PIK3C2G: variants seen among roughly 807,000 people sequenced by gnomAD.
PIK3C2G encodes phosphatidylinositol 3-kinase C2 domain-containing subunit gamma.
A neutral mutation model predicts 181.1 loss-of-function variants in PIK3C2G; 168 were observed. The observed-to-expected ratio is 0.93, with a 90% CI of 0.82 to 1.05. The LOEUF is 1.05. Among genes scored for constraint, PIK3C2G ranks in the 50% least tolerant of loss-of-function variants. The pLI is 0.00. For synonymous variants in PIK3C2G, 573 were observed against 592.2 expected, an observed-to-expected ratio of 0.97 and a Z score of 0.47; for missense variants, 1,869 against 1,732.8, an observed-to-expected ratio of 1.08 and a Z score of -1.40.
intron 16 of PIK3C2G, among the ~76,000 whole-genome samples, chr12:18,410,986 T>A (rs1944838402): frequency 6.6e-6 from 1 of 152,160 alleles, no homozygotes; most frequent in Non-Finnish European, 1.5e-5. Context: ...AATTCCCAAT[T>A]TCTATATGCA....
At chr12:18,278,020 G>A (rs1045733098) in intron 1 of PIK3C2G, among the ~76,000 whole-genome samples, 1 of 152,052 alleles carries the variant, frequency 6.6e-6, no homozygotes, top group Admixed American at 6.6e-5. Flanking sequence ...GAGCTTTTTT[G>A]TGTGTGTGGT....
intron 24 of PIK3C2G, among the ~76,000 whole-genome samples, chr12:18,510,368 CAG>C (rs1016182039): frequency 1.3e-5 from 2 of 152,160 alleles, no homozygotes; most frequent in Admixed American, 6.5e-5. Flanking sequence ...ATGATTTCTA[CAG>C]AGTGATTTTT....
chr12:18,281,132 T>C (rs374788810), intron 1 of PIK3C2G, among the ~76,000 whole-genome samples: 1 of 149,928 alleles, frequency 6.7e-6, no homozygotes, highest in African/African-American at 2.4e-5. Flanking sequence ...ATAAGAAGAG[T>C]GGCCAAGGTT....
intron 30 of PIK3C2G, among the ~76,000 whole-genome samples, chr12:18,609,317 T>C (rs1005682845): frequency 4.6e-5 from 7 of 152,070 alleles, no homozygotes; most frequent in South Asian, 2.1e-4. Context: ...CAAAACAAAA[T>C]ATGAAATATT....
At chr12:18,505,019 C>T (rs192430877) in intron 23 of PIK3C2G, among the ~76,000 whole-genome samples, 1 of 152,140 alleles carries the variant, frequency 6.6e-6, no homozygotes, top group African/African-American at 2.4e-5. Context: ...TCTAGTGAAC[C>T]AATGAAAATT....
intron 5 of PIK3C2G, among the ~76,000 whole-genome samples, chr12:18,312,197 C>T (rs1565585617): frequency 2.6e-5 from 4 of 152,230 alleles, no homozygotes; most frequent in Admixed American, 6.5e-5. Context: ...TTGCATCCTC[C>T]GATCCAATCA....
chr12:18,291,045 A>C (rs771802549), intron 4 of PIK3C2G, 33 bp downstream of exon 4: 4 of 1,440,204 alleles, frequency 2.8e-6, no homozygotes, highest in Non-Finnish European at 3.8e-6. Context: ...CTACAAATCT[A>C]TACAAAGCTG....
At chr12:18,480,088 T>C (rs1435986263) in intron 18 of PIK3C2G, among the ~76,000 whole-genome samples, 1 of 152,102 alleles carries the variant, frequency 6.6e-6, no homozygotes, top group Non-Finnish European at 1.5e-5. Flanking sequence ...CAAGGCTTTC[T>C]TGGGGATCAG....
chr12:18,558,712 T>C (rs565330404), intron 26 of PIK3C2G, among the ~76,000 whole-genome samples: 3 of 152,204 alleles, frequency 2.0e-5, no homozygotes, highest in Non-Finnish European at 4.4e-5. Flanking sequence ...GTTAAGGTCT[T>C]TGTCAAATCA....
intron 1 of PIK3C2G, among the ~76,000 whole-genome samples, chr12:18,250,945 A>C (rs1464956390): frequency 6.6e-6 from 1 of 151,948 alleles, no homozygotes; most frequent in Non-Finnish European, 1.5e-5. Context: ...AAATTCATGG[A>C]TCTTCTAGTG....
intron 1 of PIK3C2G, among the ~76,000 whole-genome samples, chr12:18,275,458 T>G (rs942012442): frequency 9.9e-5 from 15 of 152,180 alleles, no homozygotes; most frequent in African/African-American, 3.6e-4. Context: ...CTCGACTCAG[T>G]GCAACCTCTG....
chr12:18,378,116 A>G (rs1419473571), intron 13 of PIK3C2G, among the ~76,000 whole-genome samples: 1 of 152,086 alleles, frequency 6.6e-6, no homozygotes, highest in Non-Finnish European at 1.5e-5. Flanking sequence ...TACATCCAAG[A>G]CTCCATCAAA....
chr12:18,486,037 A>C (rs1189417025), intron 18 of PIK3C2G, among the ~76,000 whole-genome samples: 1 of 152,184 alleles, frequency 6.6e-6, no homozygotes, highest in Non-Finnish European at 1.5e-5. Context: ...GTTAAGGGGC[A>C]TGTTAATTTC....
At chr12:18,689,985 T>C in the PIK3C2G span, among the ~76,000 whole-genome samples, 1 of 152,158 alleles carries the variant, frequency 6.6e-6, no homozygotes, top group Non-Finnish European at 1.5e-5. Context: ...TAACTCTCCA[T>C]GCCAGTTACA....
chr12:18,252,682 G>T (rs1176237777), intron 1 of PIK3C2G, among the ~76,000 whole-genome samples: 1 of 152,092 alleles, frequency 6.6e-6, no homozygotes. Flanking sequence ...GTTCAAATTC[G>T]ACTCTGTGTC....
chr12:18,668,531 C>T, the PIK3C2G span, among the ~76,000 whole-genome samples: 99,971 of 151,960 alleles, frequency 0.66, 33,207 homozygotes, highest in South Asian at 0.72. Flanking sequence ...AGGACTGCAA[C>T]CCTAGTGCCC....
At chr12:18,699,185 C>T in the PIK3C2G span, among the ~76,000 whole-genome samples, 1 of 152,166 alleles carries the variant, frequency 6.6e-6, no homozygotes, top group African/African-American at 2.4e-5. Flanking sequence ...CTCTGCACAG[C>T]CATCTGGTAG....
chr12:18,391,745 G>T (rs11044065), intron 15 of PIK3C2G, among the ~76,000 whole-genome samples: 19,646 of 152,118 alleles, frequency 0.13, 1,305 homozygotes, highest in African/African-American at 0.16. Flanking sequence ...GGAAGAACTA[G>T]TAGGGAATTA....
chr12:18,541,519 TTATTA>T (rs1384731737), intron 25 of PIK3C2G, among the ~76,000 whole-genome samples: 1 of 151,828 alleles, frequency 6.6e-6, no homozygotes, highest in East Asian at 1.9e-4. Flanking sequence ...ATCACACCCA[TTATTA>T]TATTAGATAT....
Sources: allele counts gnomAD v4.1 joint callset (sites outside exome capture counted in the v4.1 genomes callset), GRCh38; gene constraint gnomAD v4.1.1; transcripts MANE v1.5; gene names NCBI Gene and HGNC (gene_info 2026-07-23, HGNC 2026-07-21).